Variants in FOXP1 observed in about 807,000 individuals in gnomAD.
FOXP1 encodes the protein forkhead box P1.
FOXP1 carries 15 observed loss-of-function variants against 98.2 expected under a neutral mutation model. That is an observed-to-expected ratio of 0.15 (90% CI 0.10 to 0.24). The LOEUF (loss-of-function observed/expected upper bound fraction) is 0.24. FOXP1 is among the 10% of genes least tolerant of loss of function. The pLI is 1.00. For synonymous variants in FOXP1, 371 were observed against 314.5 expected, an observed-to-expected ratio of 1.18 and a Z score of -1.90; for missense variants, 633 against 848.5, an observed-to-expected ratio of 0.75 and a Z score of 3.15.
intron 2 of FOXP1, chr3:71,580,847 T>A (rs2048108560): frequency 1.0e-6 from 1 of 985,266 alleles, no homozygotes. Context: ...GGTTTGAATG[T>A]ACAGATGCCT....
chr3:71,430,297 A>G (rs1169785413), intron 3 of FOXP1, among the ~76,000 whole-genome samples: 1 of 152,260 alleles, frequency 6.6e-6, no homozygotes, highest in African/African-American at 2.4e-5. Context: ...ATGCACACAC[A>G]GTAAAATGAG....
chr3:71,439,154 G>A (rs2085664029), intron 3 of FOXP1, among the ~76,000 whole-genome samples: 1 of 152,220 alleles, frequency 6.6e-6, no homozygotes, highest in South Asian at 2.1e-4. Context: ...CAGAGCTCGG[G>A]CAGACTTCAG....
In FOXP1 at chr3:70,971,734, T is replaced by C. The variant is rs3755732; in HGVS notation, c.1652+821A>G. 2,259 of 301,270 alleles carry C rather than the reference T, an allele frequency of 7.5e-3. 119 individuals are homozygous for C. The East Asian group carries it at 0.1, about 14-fold the overall frequency. The allele number at this position is 301,270 out of a possible 1,614,324, so 18.7% of individuals were successfully genotyped here. ...TGGGGTGGGGAGAGAGGGGGGATTA[T>C]GGGTTAAGCACAAGTATTTAGTTCT... On this transcript the variant is annotated intron_variant, in intron 18 of 20. Coordinates refer to ENST00000649528, the MANE Select transcript of FOXP1 (RefSeq NM_001349338.3).
At chr3:71,366,818 C>G (rs1224400985) in intron 3 of FOXP1, among the ~76,000 whole-genome samples, 2 of 152,172 alleles carry the variant, frequency 1.3e-5, no homozygotes, top group East Asian at 3.8e-4. Context: ...CTGAATAGAC[C>G]ACCTTACTTT....
chr3:71,027,003 A>C (rs2046214392), intron 11 of FOXP1, among the ~76,000 whole-genome samples: 1 of 152,242 alleles, frequency 6.6e-6, no homozygotes, highest in South Asian at 2.1e-4. Flanking sequence ...GGCTATTCTG[A>C]GTTTGTAACT....
At chr3:71,331,819 C>T in intron 4 of FOXP1, among the ~76,000 whole-genome samples, 1 of 152,294 alleles carries the variant, frequency 6.6e-6, no homozygotes, top group African/African-American at 2.4e-5. Flanking sequence ...GTCAACACAC[C>T]AATCAGCACC....
chr3:71,183,064 C>T (rs1291336990), intron 6 of FOXP1, among the ~76,000 whole-genome samples: 1 of 152,074 alleles, frequency 6.6e-6, no homozygotes, highest in Non-Finnish European at 1.5e-5. Flanking sequence ...ATTTAGGGTG[C>T]ATTTAATTTT....
At chr3:71,136,153 T>G (rs1409735408) in intron 6 of FOXP1, among the ~76,000 whole-genome samples, 2 of 152,240 alleles carry the variant, frequency 1.3e-5, no homozygotes, top group African/African-American at 2.4e-5. Context: ...TGAGACAGGT[T>G]ATAAATGCAC....
chr3:71,127,868 T>C (rs1331017517), intron 6 of FOXP1, among the ~76,000 whole-genome samples: 2 of 152,194 alleles, frequency 1.3e-5, no homozygotes, highest in Admixed American at 6.5e-5. Flanking sequence ...AGTATGATTA[T>C]CCAACCCAAC....
rs55683682 is a variant in FOXP1, at chr3:71,156,252, T to C, written c.180+41950A>G. The stretch of plus-strand genomic sequence containing the variant: ...ATCCCATGATGCATGGCTCTGGGAA[T>C]GAAGGATGGGTCCTCTTCCTCATTC... On this transcript the variant is annotated intron_variant, in intron 6 of 20. Coordinates refer to ENST00000649528, the MANE Select transcript of FOXP1 (RefSeq NM_001349338.3). Among the ~76,000 whole-genome samples the C allele has an allele frequency of 7.2e-3, 1,089 of 152,034 alleles. 14 individuals carry two copies. The highest frequency in any genetic ancestry group is 0.025 in the African/African-American group (1,042 of 41,450).
At chr3:71,534,281 T>C (rs1384583342) in intron 2 of FOXP1, among the ~76,000 whole-genome samples, 1 of 152,180 alleles carries the variant, frequency 6.6e-6, no homozygotes, top group Non-Finnish European at 1.5e-5. Context: ...GAGAATCGCT[T>C]GGACCTGGGG....
chr3:71,201,547 TGAGGCAGG>T (rs2063673607), intron 5 of FOXP1, among the ~76,000 whole-genome samples: 1 of 151,754 alleles, frequency 6.6e-6, no homozygotes, highest in African/African-American at 2.4e-5. Context: ...CTCGGGAGGC[TGAGGCAGG>T]AGAACTGCTT....
At chr3:71,381,925 A>G (rs896362026) in intron 3 of FOXP1, among the ~76,000 whole-genome samples, 45 of 152,236 alleles carry the variant, frequency 3.0e-4, no homozygotes, top group African/African-American at 1.0e-3. Flanking sequence ...AGCCAAGGAA[A>G]TTGACATTTG....
At position 71,290,848 on chromosome 3, in the gene FOXP1, T is replaced by C. The variant is rs563184551; in HGVS notation, c.-12+8972A>G. Among the ~76,000 whole-genome samples the C allele has an allele frequency of 2.0e-5, 3 of 152,308 alleles. No individual in the cohort carries two copies. In the East Asian group the frequency reaches 5.8e-4, roughly 29 times the overall value. ...AAGGATGCTTAGCTGGTAATGCATA[T>C]ATTATAAAATCTGAAAGATCCCAAA... is the stretch of plus-strand genomic sequence containing the variant. On this transcript the variant is annotated intron_variant, in intron 5 of 20. Coordinates refer to ENST00000649528, the MANE Select transcript of FOXP1 (RefSeq NM_001349338.3).
intron 2 of FOXP1, among the ~76,000 whole-genome samples, chr3:71,513,059 C>T (rs1463870062): frequency 6.6e-6 from 1 of 152,118 alleles, no homozygotes; most frequent in Non-Finnish European, 1.5e-5. Context: ...CCAGGCATTC[C>T]TAACTCCCTG....
intron 5 of FOXP1, among the ~76,000 whole-genome samples, chr3:71,283,799 C>G (rs1275113892): frequency 6.6e-6 from 1 of 152,074 alleles, no homozygotes; most frequent in Non-Finnish European, 1.5e-5. Context: ...TTGTCCAGAA[C>G]CAGTAAGCAC....
chr3:70,981,327 G>A (rs1163123463), intron 14 of FOXP1, among the ~76,000 whole-genome samples: 1 of 151,718 alleles, frequency 6.6e-6, no homozygotes, highest in Admixed American at 6.6e-5. Context: ...AATAAATACT[G>A]AGCCAGAAGA....
chr3:70,995,425 T>C (rs961707894), intron 13 of FOXP1, among the ~76,000 whole-genome samples: 1 of 152,234 alleles, frequency 6.6e-6, no homozygotes, highest in African/African-American at 2.4e-5. Flanking sequence ...ATGGGAACTT[T>C]GCTCCATTCC....
Position 71,121,241 on chromosome 3 carries a change from A to G in FOXP1, c.181-8604T>C, listed in dbSNP as rs2058744693. Among the ~76,000 whole-genome samples, 3 of 152,016 alleles carry G rather than the reference A, an allele frequency of 2.0e-5. No homozygotes were observed. In the South Asian group the frequency reaches 6.2e-4, roughly 31 times the overall value. On this transcript the variant is annotated intron_variant, in intron 6 of 20. Coordinates refer to ENST00000649528, the MANE Select transcript of FOXP1 (RefSeq NM_001349338.3). ...CATTCTGCTACAAACCCCACCGCCA[A>G]TCAAGCCCAGGAAGGGGTCAGCAAA...
Sources: gnomAD v4.1 joint callset for allele counts (sites outside exome capture counted in the v4.1 genomes callset) on GRCh38, gnomAD v4.1.1 for gene constraint, MANE v1.5 for transcripts, NCBI Gene and HGNC (gene_info 2026-07-23, HGNC 2026-07-21) for gene names.